Variants in BEND7 observed in about 807,000 individuals in gnomAD.
BEND7 encodes BEN domain containing 7.
Under a neutral mutation model 50.9 loss-of-function variants are expected in BEND7, and 28 were observed. The ratio of observed to expected loss-of-function variants is 0.55; its 90% confidence interval spans 0.41 to 0.75. BEND7 has a LOEUF of 0.75. Ranked by LOEUF, BEND7 falls within the 30% of genes least tolerant of loss-of-function variation. BEND7 has a pLI of 0.00. For missense variants in BEND7, 477 were observed against 491.3 expected, an observed-to-expected ratio of 0.97 and a Z score of 0.28; for synonymous variants, 170 against 183.9, an observed-to-expected ratio of 0.92 and a Z score of 0.61.
At chr10:13,514,228 A>G (rs1369318220) in intron 2 of BEND7, among the ~76,000 whole-genome samples, 1 of 152,264 alleles carries the variant, frequency 6.6e-6, no homozygotes, top group Non-Finnish European at 1.5e-5. Flanking sequence ...ACTGGCTTCA[A>G]TAAATATCTA....
chr10:13,447,439 G>T, intron 7 of BEND7, 123 bp from the exon 8 acceptor site: 4 of 805,082 alleles, frequency 5.0e-6, no homozygotes, highest in Admixed American at 2.8e-5. Context: ...ATTCTTTTCT[G>T]TTTTCAGCTA....
At chr10:13,439,527 G>A, downstream of BEND7, 8 of 1,559,238 alleles carry the variant, frequency 5.1e-6, no homozygotes, top group South Asian at 1.2e-5. Flanking sequence ...GTGAATGAAT[G>A]AATGAATGGA....
chr10:13,439,533 A>G, downstream of BEND7: 1 of 1,550,660 alleles, frequency 6.4e-7, no homozygotes, highest in Non-Finnish European at 8.7e-7. Flanking sequence ...GAATGAATGA[A>G]TGGAGTAACT....
At chr10:13,493,219 C>T (rs943218599) in intron 4 of BEND7, among the ~76,000 whole-genome samples, 2 of 152,166 alleles carry the variant, frequency 1.3e-5, no homozygotes, top group African/African-American at 4.8e-5. Flanking sequence ...TAAATGAGAA[C>T]TTCGGGATTT....
At chr10:13,452,234 A>C (rs948166276) in intron 7 of BEND7, among the ~76,000 whole-genome samples, 1 of 152,230 alleles carries the variant, frequency 6.6e-6, no homozygotes, top group African/African-American at 2.4e-5. Flanking sequence ...AGGCAGACAG[A>C]AGCGAACCAT....
chr10:13,527,432 T>G (rs1480350284), intron 1 of BEND7, among the ~76,000 whole-genome samples: 1 of 152,220 alleles, frequency 6.6e-6, no homozygotes, highest in East Asian at 1.9e-4. Context: ...ATTCGATTAC[T>G]TGCAATTGTC....
At chr10:13,519,764 C>T (rs560306020) in intron 2 of BEND7, among the ~76,000 whole-genome samples, 18 of 152,266 alleles carry the variant, frequency 1.2e-4, no homozygotes, top group South Asian at 4.1e-4. Flanking sequence ...TAAACTGAGG[C>T]GGCTTACAGG....
intron 3 of BEND7, among the ~76,000 whole-genome samples, chr10:13,497,431 G>C (rs1377585780): frequency 6.6e-6 from 1 of 152,186 alleles, no homozygotes; most frequent in Non-Finnish European, 1.5e-5. Flanking sequence ...TGGCGTTTGG[G>C]GTGGGGAAGC....
At chr10:13,462,976 A>G (rs2073861865) in intron 6 of BEND7, among the ~76,000 whole-genome samples, 1 of 152,228 alleles carries the variant, frequency 6.6e-6, no homozygotes, top group Non-Finnish European at 1.5e-5. Context: ...GAACACTGGA[A>G]TATCTTCAAA....
intron 8 of BEND7, chr10:13,442,929 G>A (rs1273078309): frequency 2.0e-5 from 3 of 152,064 alleles, no homozygotes; most frequent in Non-Finnish European, 2.9e-5. Context: ...AATTAATCTT[G>A]GCCTTCACAA....
chr10:13,480,778 T>C (rs1428810685), intron 6 of BEND7, 121 bp downstream of exon 6: 3 of 1,511,354 alleles, frequency 2.0e-6, no homozygotes, highest in Non-Finnish European at 2.7e-6. Context: ...TGTGAATGGC[T>C]AAATTGGCAA....
chr10:13,474,758 T>G (rs146050316), intron 6 of BEND7, among the ~76,000 whole-genome samples: 2 of 151,974 alleles, frequency 1.3e-5, no homozygotes, highest in African/African-American at 4.8e-5. Context: ...CTGTTAGACT[T>G]GGGTTGATAC....
At chr10:13,472,446 C>T (rs1017708784) in intron 6 of BEND7, among the ~76,000 whole-genome samples, 15 of 151,750 alleles carry the variant, frequency 9.9e-5, no homozygotes, top group Admixed American at 4.6e-4. Flanking sequence ...TATCTGTCAT[C>T]GCTGTTAGAT....
intron 5 of BEND7, among the ~76,000 whole-genome samples, chr10:13,488,796 T>C (rs1355159329): frequency 6.6e-6 from 1 of 152,206 alleles, no homozygotes; most frequent in African/African-American, 2.4e-5. Flanking sequence ...CTAAATACTG[T>C]ATTTAGATCT....
chr10:13,442,050 AG>A, intron 8 of BEND7: 1 of 408,282 alleles, frequency 2.4e-6, no homozygotes, highest in Admixed American at 4.0e-5. Context: ...TCCTATCTCT[AG>A]GTTTAGCGTT....
At chr10:13,493,359 C>G (rs7921099) in intron 4 of BEND7, among the ~76,000 whole-genome samples, 80,398 of 152,052 alleles carry the variant, frequency 0.53, 21,610 homozygotes, top group Non-Finnish European at 0.57. Flanking sequence ...TGATCATTTG[C>G]GCAAGACTGA....
chr10:13,463,177 C>A (rs2073886468), intron 6 of BEND7, among the ~76,000 whole-genome samples: 1 of 112,292 alleles, frequency 8.9e-6, no homozygotes, highest in African/African-American at 3.7e-5. Flanking sequence ...TTGGTGATGA[C>A]CATGAACAGC....
chr10:13,450,815 C>T (rs1837504657), intron 7 of BEND7, among the ~76,000 whole-genome samples: 1 of 151,970 alleles, frequency 6.6e-6, no homozygotes, highest in Admixed American at 6.6e-5. Context: ...TGGGTCTCAT[C>T]CTGTAGAAGT....
intron 6 of BEND7, among the ~76,000 whole-genome samples, chr10:13,473,684 G>A (rs899622308): frequency 2.0e-5 from 3 of 150,264 alleles, no homozygotes; most frequent in Non-Finnish European, 3.0e-5. Flanking sequence ...TGTTGGACTC[G>A]GGGCCGACAT....
Sources: gnomAD v4.1 joint callset for allele counts (sites outside exome capture counted in the v4.1 genomes callset) on GRCh38, gnomAD v4.1.1 for gene constraint, MANE v1.5 for transcripts, NCBI Gene and HGNC (gene_info 2026-07-23, HGNC 2026-07-21) for gene names.